Variants in ETV7 observed in about 807,000 individuals in gnomAD.
The protein encoded by ETV7 is ETS variant transcription factor 7.
ETV7 carries 43 observed loss-of-function variants against 39.1 expected under a neutral mutation model. The observed-to-expected ratio is 1.10, with a 90% CI of 0.86 to 1.42. The LOEUF is 1.42. Among genes scored for constraint, ETV7 ranks in the 40% most tolerant of loss-of-function variants. The pLI, the probability that ETV7 is intolerant of heterozygous loss-of-function variation, is 0.00. For synonymous variants in ETV7, 196 were observed against 176.6 expected (o/e 1.11, Z -0.87); for missense variants, 432 against 442.3 (o/e 0.98, Z 0.21).
intron 6 of ETV7, among the ~76,000 whole-genome samples, chr6:36,368,516 A>T (rs1254444046): frequency 1.3e-5 from 2 of 152,166 alleles, no homozygotes; most frequent in African/African-American, 4.8e-5. Context: ...GGCATTCCTC[A>T]TCATGGGAAT....
intron 4 of ETV7, among the ~76,000 whole-genome samples, 175 bp from the exon 5 acceptor site, chr6:36,371,735 C>A (rs904851177): frequency 6.6e-6 from 1 of 152,224 alleles, no homozygotes; most frequent in Non-Finnish European, 1.5e-5. Flanking sequence ...GAGGGCCAGA[C>A]AGCCTAAGTG....
rs542111073 is a variant in ETV7, at chr6:36,368,976, G to A, written c.760C>T (p.Arg254Ter). ...GCGAGCCCATTTGGATCCACAACTCGGAAGATCTTGGCGTCCTTGTCTTCC... is the reference window on the plus strand; with the variant it reads ...GCGAGCCCATTTGGATCCACAACTCAGAAGATCTTGGCGTCCTTGTCTTCC... ...KWEDKDAKIF[R>*]VVDPNGLARL... The change falls in exon 6 of 8, where the codon CGA becomes TGA. Residue 254 changes from arginine (R) to a stop codon, truncating the protein, a stop_gained. Coordinates refer to ENST00000340181, the MANE Select transcript of ETV7 (RefSeq NM_016135.4). LOFTEE classifies it high-confidence loss of function. 26 of 1,614,032 alleles carry A rather than the reference G, an allele frequency of 1.6e-5. No homozygotes were observed. Among genetic ancestry groups the A allele is most frequent in the Admixed American group, 8.3e-5 (5 of 60,000 alleles).
intron 2 of ETV7, among the ~76,000 whole-genome samples, chr6:36,383,081 G>C (rs916287): frequency 0.9 from 137,138 of 152,072 alleles, 62,150 homozygotes; most frequent in African/African-American, 0.97. Flanking sequence ...CCTCCTCCCA[G>C]TCCCCTGTGA....
At chr6:36,373,352 C>T (rs1773133142) in intron 4 of ETV7, 101 bp downstream of exon 4, 2 of 1,371,654 alleles carry the variant, frequency 1.5e-6, no homozygotes, top group Non-Finnish European at 1.9e-6. Context: ...AGCTTGCCCA[C>T]ACTGGCCACC....
chr6:36,375,890 C>A lies in ETV7; in HGVS notation c.288G>T (p.Arg96=). The change falls in exon 3 of 8, where the codon CGG becomes CGT. Residue 96 remains arginine, a synonymous_variant. Coordinates refer to ENST00000340181, the MANE Select transcript of ETV7 (RefSeq NM_016135.4). The stretch of plus-strand genomic sequence containing the variant: ...CCTGACCTGAGCTGGGCGCACGGTG[C>A]CGGAAGTCGTCCTTGGTGAGGATGC... The part of the protein sequence containing the change: ...ALCILTKDDF[R]HRAPSSGDVL... 5.0e-6 allele frequency: 8 copies of A among 1,614,064 alleles called. No individual in the cohort carries two copies. Among genetic ancestry groups the A allele is most frequent in the Non-Finnish European group, 6.8e-6 (8 of 1,180,026 alleles).
At chr6:36,374,926 G>A (rs774523399) in intron 3 of ETV7, among the ~76,000 whole-genome samples, 1 of 152,208 alleles carries the variant, frequency 6.6e-6, no homozygotes, top group Non-Finnish European at 1.5e-5. Context: ...AAAATTAGCC[G>A]GGCGTGGTGG....
At chr6:36,377,897 A>G (rs1023098738) in intron 2 of ETV7, among the ~76,000 whole-genome samples, 1 of 152,186 alleles carries the variant, frequency 6.6e-6, no homozygotes, top group African/African-American at 2.4e-5. Context: ...CCAGTTTAAG[A>G]GTGAGGAAAG....
downstream of ETV7, among the ~76,000 whole-genome samples, chr6:36,362,097 G>A (rs745349907): frequency 6.6e-5 from 10 of 152,198 alleles, no homozygotes; most frequent in Non-Finnish European, 1.5e-4. Flanking sequence ...AGGAGATCGA[G>A]ACCATCCTGG....
rs554878298 is a variant in ETV7 at position 36,372,582 on chromosome 6, C to T, written c.433+871G>A. On this transcript the variant is annotated intron_variant, in intron 4 of 7. Transcript: ENST00000340181. ...GAGTGAGAAGAGGTTGGATTCTGGA[C>T]AGATTTGAAGGTAGGGCTGACAGGA... Among the ~76,000 whole-genome samples the T allele has an allele frequency of 3.4e-5, 5 of 146,200 alleles. No individual in the cohort carries two copies. The South Asian group carries it at 1.1e-3, about 32-fold the overall frequency.
At chr6:36,367,071 C>A (rs1382159713) in intron 6 of ETV7, 96 bp from the exon 7 acceptor site, 3 of 917,378 alleles carry the variant, frequency 3.3e-6, no homozygotes, top group Non-Finnish European at 3.6e-6. Flanking sequence ...GCTTCTTAAG[C>A]CTCTCATTCC....
In ETV7 at chr6:36,366,737, C is replaced by A; in HGVS notation, c.934G>T (p.Val312Phe). The A allele has an allele frequency of 6.2e-7, 1 of 1,614,060 alleles. No homozygotes were observed. The highest frequency in any genetic ancestry group is 1.3e-5 in the African/African-American group (1 of 74,980). Residue 312 changes from valine to phenylalanine, a missense_variant, in exon 8 of 8, where the codon GTC (valine) becomes TTC (phenylalanine). Coordinates refer to ENST00000340181, the MANE Select transcript of ETV7 (RefSeq NM_016135.4). ...TCCAGGTGGCTGTGCTTGTCCTGGACCATCTTTCCCGGAGTCTTTAGAAAT... is the reference window on the plus strand; with the variant it reads ...TCCAGGTGGCTGTGCTTGTCCTGGAACATCTTTCCCGGAGTCTTTAGAAAT... ...FRFLKTPGKM[V>F]QDKHSHLEPL...
chr6:36,360,314 C>T (rs1262284618), intron 7 of ETV7, among the ~76,000 whole-genome samples: 1 of 152,096 alleles, frequency 6.6e-6, no homozygotes, highest in Non-Finnish European at 1.5e-5. Flanking sequence ...ACAAACTACT[C>T]AAGGATAAAG....
chr6:36,385,845 T>C (rs985806325), intron 1 of ETV7, among the ~76,000 whole-genome samples, 176 bp from the exon 2 acceptor site: 11 of 152,230 alleles, frequency 7.2e-5, no homozygotes, highest in African/African-American at 1.4e-4. Context: ...ATCAACATTT[T>C]GTACCCAGTG....
At position 36,373,590 on chromosome 6, in the gene ETV7, TGGGA is replaced by T; in HGVS notation, c.308-16_308-13del. Reference sequence around the variant, plus strand: ...ATACAGGACGTCACCTGGAGGTGGGTGGGAGGGAGGGCAGGCTGCTGAACAGGCC... The same window carrying T: ...ATACAGGACGTCACCTGGAGGTGGGTGGGAGGGCAGGCTGCTGAACAGGCC... On this transcript the variant is annotated splice_polypyrimidine_tract_variant and intron_variant, in intron 3 of 7. Transcript: ENST00000340181. The T allele has an allele frequency of 1.4e-4, 35 of 254,604 alleles. No homozygotes were observed. Among genetic ancestry groups the T allele is most frequent in the Non-Finnish European group, 2.3e-4 (33 of 144,292 alleles). 15.8% of individuals were successfully genotyped at this position (254,604 alleles called of 1,614,324 possible).
chr6:36,382,504 A>G (rs952229824), intron 2 of ETV7, among the ~76,000 whole-genome samples: 1 of 152,194 alleles, frequency 6.6e-6, no homozygotes, highest in African/African-American at 2.4e-5. Flanking sequence ...TTCCCAGCAG[A>G]TTCATGTGCA....
intron 2 of ETV7, among the ~76,000 whole-genome samples, chr6:36,376,396 T>A (rs1197978959): frequency 1.3e-5 from 2 of 152,224 alleles, no homozygotes; most frequent in Admixed American, 6.5e-5. Flanking sequence ...TTATGTGTAT[T>A]CAGCACCTAG....
chr6:36,387,116 G>A (rs1450518517), intron 1 of ETV7, among the ~76,000 whole-genome samples: 2 of 152,176 alleles, frequency 1.3e-5, no homozygotes, highest in Non-Finnish European at 2.9e-5. Context: ...TCTGGGGGCA[G>A]TCTCGAGGCA....
chr6:36,354,633 T>G (rs917506793), exon 8 of ETV7: 2 of 696,396 alleles, frequency 2.9e-6, no homozygotes, highest in Non-Finnish European at 5.2e-6. Context: ...CTGTTTTGGC[T>G]ATTTGGGGTC....
intron 4 of ETV7, 146 bp downstream of exon 4, chr6:36,373,307 C>G (rs1258884892): frequency 6.1e-6 from 6 of 983,660 alleles, no homozygotes; most frequent in Non-Finnish European, 8.5e-6. Context: ...GCCAGGAACG[C>G]CCCAGAGCAG....
Sources: gnomAD v4.1 joint callset for allele counts (sites outside exome capture counted in the v4.1 genomes callset) on GRCh38, gnomAD v4.1.1 for gene constraint, MANE v1.5 for transcripts, NCBI Gene and HGNC (gene_info 2026-07-23, HGNC 2026-07-21) for gene names.